RBFOX3: variants seen among roughly 807,000 people sequenced by gnomAD.
The protein encoded by RBFOX3 is RNA binding fox-1 homolog 3, also known as RNA binding protein fox-1 homolog 3.
In RBFOX3, 17 loss-of-function variants were observed where a neutral mutation model predicts 48.7. The ratio of observed to expected loss-of-function variants is 0.35; its 90% CI spans 0.24 to 0.52. The LOEUF is 0.52. Among genes scored for constraint, RBFOX3 ranks in the 20% least tolerant of loss-of-function variants. The pLI, the probability that RBFOX3 is intolerant of heterozygous loss-of-function variation, is 0.94. For synonymous variants in RBFOX3, 212 were observed against 209.5 expected, an observed-to-expected ratio of 1.01 and a Z score of -0.10; for missense variants, 382 against 497.5, an observed-to-expected ratio of 0.77 and a Z score of 2.21.
At chr17:79,318,744 A>G (rs1040361115) in intron 2 of RBFOX3, among the ~76,000 whole-genome samples, 3 of 150,370 alleles carry the variant, frequency 2.0e-5, no homozygotes, top group African/African-American at 7.3e-5. Context: ...AGTCCCGGCT[A>G]CTTGGAAGGC....
In RBFOX3 at chr17:79,292,104, G is replaced by C. The variant is rs564248503; in HGVS notation, c.-74+15620C>G. Among the ~76,000 whole-genome samples, 6 of 152,220 alleles carry C rather than the reference G, an allele frequency of 3.9e-5. No homozygotes were observed. The South Asian group carries it at 1.2e-3, about 32-fold the overall frequency. Reference sequence around the variant, plus strand: ...CTCTGGTGATCAGTATTTTGGGGTTGCTCTGAATTACTATGAATCTTCCAG... The same window carrying C: ...CTCTGGTGATCAGTATTTTGGGGTTCCTCTGAATTACTATGAATCTTCCAG... On this transcript the variant is annotated intron_variant, in intron 3 of 14. Transcript: ENST00000693108.
intron 1 of RBFOX3, among the ~76,000 whole-genome samples, chr17:79,595,987 G>A (rs2093559719): frequency 6.6e-6 from 1 of 152,202 alleles, no homozygotes; most frequent in Non-Finnish European, 1.5e-5. Context: ...TGGCCCCAGG[G>A]TCACACATCT....
At chr17:79,541,238 T>C (rs1167192550) in intron 1 of RBFOX3, among the ~76,000 whole-genome samples, 6 of 151,854 alleles carry the variant, frequency 4.0e-5, no homozygotes, top group African/African-American at 1.5e-4. Context: ...GAAAAATAAA[T>C]TAGATTCCAA....
rs1003144276 is a variant in RBFOX3 at position 79,090,477 on chromosome 17, T to A, written c.*406A>T. 10 of 194,342 alleles carry A rather than the reference T, an allele frequency of 5.1e-5. No homozygotes were observed. The highest frequency in any genetic ancestry group is 4.1e-4 in the Admixed American group (7 of 17,132). The allele number at this position is 194,342 out of a possible 1,614,324, so 12.0% of individuals were successfully genotyped here. A position where few individuals can be genotyped will look rare whatever the true frequency, so the allele number is the denominator to read the frequency against. The stretch of plus-strand genomic sequence containing the variant: ...CCTGCCTGCTCAGGCCCGGGCCTGC[T>A]CCGCCGCCGCTGGGCTCCACACTGT... On this transcript the variant is annotated 3_prime_UTR_variant, in exon 15 of 15. Transcript: ENST00000693108.
chr17:79,365,043 G>C (rs1030022565), intron 2 of RBFOX3, among the ~76,000 whole-genome samples: 1 of 152,098 alleles, frequency 6.6e-6, no homozygotes, highest in African/African-American at 2.4e-5. Flanking sequence ...TAGAGTTGGT[G>C]GGGGAGGCTT....
chr17:79,271,129 G>A (rs2067615930), intron 3 of RBFOX3, among the ~76,000 whole-genome samples: 1 of 151,356 alleles, frequency 6.6e-6, no homozygotes, highest in Non-Finnish European at 1.5e-5. Context: ...AGGCTGGAGC[G>A]CAATGGTGCG....
chr17:79,623,698 T>A, the RBFOX3 span, among the ~76,000 whole-genome samples: 1 of 152,002 alleles, frequency 6.6e-6, no homozygotes, highest in African/African-American at 2.4e-5. Context: ...GGCCCACACC[T>A]GCAATCCCAG....
the RBFOX3 span, among the ~76,000 whole-genome samples, chr17:79,623,367 G>C: frequency 6.6e-6 from 1 of 152,152 alleles, no homozygotes; most frequent in African/African-American, 2.4e-5. Flanking sequence ...AAATGTCCAC[G>C]TCCTAACCCC....
At chr17:79,355,130 G>A (rs1385697491) in intron 2 of RBFOX3, among the ~76,000 whole-genome samples, 2 of 152,124 alleles carry the variant, frequency 1.3e-5, no homozygotes, top group Non-Finnish European at 1.5e-5. Context: ...AAACATGACC[G>A]TGTAATCAAC....
At chr17:79,213,665 G>A (rs572983395) in intron 4 of RBFOX3, among the ~76,000 whole-genome samples, 39 of 152,268 alleles carry the variant, frequency 2.6e-4, no homozygotes, top group African/African-American at 8.9e-4. Flanking sequence ...CGGGGACTGC[G>A]ACCATTAGGG....
intron 4 of RBFOX3, among the ~76,000 whole-genome samples, chr17:79,138,035 A>T (rs1443808944): frequency 1.3e-5 from 2 of 152,140 alleles, no homozygotes; most frequent in African/African-American, 4.8e-5. Context: ...CCCGCCAAGC[A>T]CTGTCTCCGT....
intron 1 of RBFOX3, among the ~76,000 whole-genome samples, chr17:79,499,137 C>A (rs985329030): frequency 6.6e-6 from 1 of 151,430 alleles, no homozygotes; most frequent in Non-Finnish European, 1.5e-5. Context: ...TCCACCCACC[C>A]ATCCATTCAC....
chr17:79,282,694 G>A lies in RBFOX3; in HGVS notation c.-74+25030C>T, dbSNP rs190813177. Among the ~76,000 whole-genome samples, 43 of 152,340 alleles carry A rather than the reference G, an allele frequency of 2.8e-4. No homozygotes were observed. In the East Asian group the frequency reaches 6.4e-3, roughly 23 times the overall value. On this transcript the variant is annotated intron_variant, in intron 3 of 14. Coordinates refer to ENST00000693108, the MANE Select transcript of RBFOX3 (RefSeq NM_001350451.2). The stretch of plus-strand genomic sequence containing the variant: ...GGGAAGCCACCTCTGCCACGCATCC[G>A]CCTGGACCCCAGGCAGCTGTGTTCT...
intron 6 of RBFOX3, among the ~76,000 whole-genome samples, chr17:79,104,503 G>A (rs947857335): frequency 3.9e-5 from 6 of 151,940 alleles, no homozygotes; most frequent in Non-Finnish European, 7.4e-5. Context: ...CATCACCAGT[G>A]TCCCCTCCTC....
At position 79,299,343 on chromosome 17, in the gene RBFOX3, C is replaced by G. The variant is rs1420392578; in HGVS notation, c.-74+8381G>C. ...ACTGGTTCCTTAAAATGGGACTGTA[C>G]AGGCAGTCCTCTGGATCTTAGAGTT... On this transcript the variant is annotated intron_variant, in intron 3 of 14. Transcript: ENST00000693108. This position sits in a 1 kb window ranked among gnomAD's most constrained non-coding sequence, Gnocchi z 4.5. Among the ~76,000 whole-genome samples the G allele has an allele frequency of 6.6e-6, 1 of 152,104 alleles. No individual in the cohort carries two copies.
chr17:79,376,618 C>T (rs925637564), intron 2 of RBFOX3, among the ~76,000 whole-genome samples: 10 of 152,160 alleles, frequency 6.6e-5, no homozygotes, highest in African/African-American at 1.7e-4. Flanking sequence ...CAGCCCACTG[C>T]GTGTTTGCTC....
chr17:79,142,092 G>T (rs1480956353), intron 4 of RBFOX3, among the ~76,000 whole-genome samples: 1 of 152,212 alleles, frequency 6.6e-6, no homozygotes, highest in Non-Finnish European at 1.5e-5. Context: ...ACACCGTCTG[G>T]ATGAAGGGAA....
rs368096203 is a variant in RBFOX3 at position 79,362,360 on chromosome 17, G to A, written c.-174-54536C>T. 3.1e-4 allele frequency among the ~76,000 whole-genome samples: 47 copies of A among 152,360 alleles called. No homozygotes were observed. The highest frequency in any genetic ancestry group is 6.8e-3 in the Middle Eastern group (2 of 294). On this transcript the variant is annotated intron_variant, in intron 2 of 14. Transcript: ENST00000693108. The surrounding 1 kb of genome is among the most constrained non-coding windows in gnomAD (Gnocchi z 4.2). ...CCGGCCAGCGTCTGCGTAGGACGGT[G>A]GGAGAGGCTGAGTGCAGCGTCTTTC...
At chr17:79,163,905 T>A (rs1296650282) in intron 4 of RBFOX3, among the ~76,000 whole-genome samples, 1 of 152,204 alleles carries the variant, frequency 6.6e-6, no homozygotes, top group African/African-American at 2.4e-5. Flanking sequence ...ACTCTTATGC[T>A]GAGCCATGCA....
Sources: allele counts gnomAD v4.1 joint callset (sites outside exome capture counted in the v4.1 genomes callset), GRCh38; gene constraint gnomAD v4.1.1; non-coding constraint Gnocchi (gnomAD v3.1); transcripts MANE v1.5; gene names NCBI Gene and HGNC (gene_info 2026-07-23, HGNC 2026-07-21).